Variants in TTN observed in about 807,000 individuals in gnomAD.
TTN encodes titin.
Under a neutral mutation model 3,223.0 loss-of-function variants are expected in TTN, and 1,525 were observed. That is an observed-to-expected ratio of 0.47 (90% CI 0.45 to 0.49). TTN has a LOEUF of 0.49. TTN is among the 20% of genes least tolerant of loss of function. The pLI is 0.00. For synonymous variants in TTN, 14,094 were observed against 15,161.0 expected, an observed-to-expected ratio of 0.93 and a Z score of 5.17; for missense variants, 40,786 against 43,424.0, an observed-to-expected ratio of 0.94 and a Z score of 5.40.
At position 178,636,488 on chromosome 2, in the gene TTN, CAAT is replaced by C. The variant is rs1482982075; in HGVS notation, c.41236_41238del (p.Ile13746del). ...TCACCAGCATCGGAAAGTTGAACATCAATGATGTGCAGCTTTCTGTCTTTACCA... is the reference window on the plus strand; with the variant it reads ...TCACCAGCATCGGAAAGTTGAACATCGATGTGCAGCTTTCTGTCTTTACCA... On this transcript the variant is annotated inframe_deletion, in exon 225 of 363. Coordinates refer to ENST00000589042, the MANE Select transcript of TTN (RefSeq NM_001267550.2). This position sits in a 1 kb window ranked among gnomAD's most constrained non-coding sequence, Gnocchi z 4.3. The C allele has an allele frequency of 6.2e-7, 1 of 1,613,396 alleles. No individual in the cohort carries two copies. The highest frequency in any genetic ancestry group is 1.1e-5 in the South Asian group (1 of 91,070).
intron 361 of TTN, 48 bp downstream of exon 361, chr2:178,528,226 A>G: frequency 1.9e-6 from 3 of 1,572,670 alleles, no homozygotes; most frequent in Non-Finnish European, 2.6e-6. Context: ...CAAAAAAACG[A>G]TCTAAAGGCC....
chr2:178,715,368 A>G (rs1368543026), intron 89 of TTN, 104 bp from the exon 90 acceptor site: 16 of 1,505,948 alleles, frequency 1.1e-5, no homozygotes, highest in African/African-American at 2.8e-5. Flanking sequence ...TGAAAAAAAC[A>G]CTTTCAATTC....
rs1024961148 is a variant in TTN, at chr2:178,573,264, C to G, written c.72868G>C (p.Gly24290Arg). 1.2e-6 allele frequency: 2 copies of G among 1,605,614 alleles called. No individual in the cohort carries two copies. The highest frequency in any genetic ancestry group is 1.7e-6 in the Non-Finnish European group (2 of 1,175,150). The change falls in exon 326 of 363, where the codon GGA becomes CGA. Residue 24290 changes from glycine to arginine, a missense_variant. Transcript: ENST00000589042. ...ATAATCCTGAACTCATATTCATGTC[C>G]TTCTGTCAGTCCAGACACTTTATAT... ...LRYKVSGLTE[G>R]HEYEFRIMAE...
At chr2:178,747,271 G>T (rs557087941) in intron 47 of TTN, 1 of 1,612,906 alleles carries the variant, frequency 6.2e-7, no homozygotes, top group Non-Finnish European at 8.5e-7. Flanking sequence ...CCTCACCTTC[G>T]GAAGGTGTTG....
chr2:178,735,801 A>G lies in TTN; in HGVS notation c.14645T>C (p.Leu4882Ser). Residue 4882 changes from leucine to serine, a missense_variant, in exon 50 of 363, where the codon TTG (leucine) becomes TCG (serine). Coordinates refer to ENST00000589042, the MANE Select transcript of TTN (RefSeq NM_001267550.2). ...GAAATGTGGCTTATCAATGATGATC[A>G]ACTCTGCTTGGCAGATGTCTGCTCC... The part of the protein sequence containing the change: ...KFGADICQAE[L>S]IIIDKPHFIK... 4 of 1,613,734 alleles carry G rather than the reference A, an allele frequency of 2.5e-6. No individual in the cohort carries two copies. The highest frequency in any genetic ancestry group is 3.4e-6 in the Non-Finnish European group (4 of 1,179,790).
At position 178,601,679 on chromosome 2, in the gene TTN, T is replaced by C; in HGVS notation, c.55411A>G (p.Asn18471Asp). The change falls in exon 286 of 363, where the codon AAT becomes GAT. Residue 18471 changes from asparagine (N) to aspartate (D), a missense_variant. Asn to Asp is a conservative substitution (Grantham distance 23, BLOSUM62 1). Transcript: ENST00000589042. ...AKNKAGQKTA[N>D]CRVKVMDVPG... ...TTACCCATGACTTTAACTCTGCAAT[T>C]TGCAGTCTTTTGTCCTGCTTTATTC... The C allele has an allele frequency of 6.2e-7, 1 of 1,602,278 alleles. No individual in the cohort carries two copies. The highest frequency in any genetic ancestry group is 8.5e-7 in the Non-Finnish European group (1 of 1,176,490).
intron 113 of TTN, among the ~76,000 whole-genome samples, chr2:178,696,644 T>C (rs2073780293): frequency 6.6e-6 from 1 of 152,106 alleles, no homozygotes; most frequent in Admixed American, 6.6e-5. Context: ...TTAACCTTTT[T>C]AAAAAGTTCT....
chr2:178,772,158 A>G (rs1487885232), intron 33 of TTN, among the ~76,000 whole-genome samples: 1 of 152,224 alleles, frequency 6.6e-6, no homozygotes, highest in African/African-American at 2.4e-5. Flanking sequence ...AGGAGTTCAT[A>G]GTTTATTCCT....
chr2:178,628,774 C>T (rs995031070), intron 240 of TTN: 1 of 153,878 alleles, frequency 6.5e-6, no homozygotes, highest in African/African-American at 2.4e-5. Context: ...TCGCACAGCC[C>T]AGAGCACTTG....
intron 47 of TTN, among the ~76,000 whole-genome samples, chr2:178,744,220 G>A (rs898574482): frequency 1.3e-5 from 2 of 151,904 alleles, no homozygotes; most frequent in South Asian, 2.1e-4. Context: ...GTAACAATAA[G>A]TAATTTAAGA....
chr2:178,663,993 G>A, intron 169 of TTN, 22 bp downstream of exon 169: 2 of 1,612,524 alleles, frequency 1.2e-6, no homozygotes, highest in Non-Finnish European at 1.7e-6. Context: ...GTCTTCTGAA[G>A]CCTAAAGTCA....
At position 178,756,564 on chromosome 2, in the gene TTN, G is replaced by C. The variant is rs878942112; in HGVS notation, c.10912C>G (p.Leu3638Val). Residue 3638 changes from leucine (L) to valine (V), a missense_variant, in exon 46 of 363, where the codon CTT becomes GTT. Transcript: ENST00000589042. ...TCAGTGCTTTCTGCAATTTGTGAAA[G>C]GGATGCAGTATGGCACAACTGTGTA... ...QDTQLCHTASLSQIAESTELS... is the reference protein window; with the variant it reads ...QDTQLCHTASVSQIAESTELS... 3 of 1,611,508 alleles carry C rather than the reference G, an allele frequency of 1.9e-6. No individual in the cohort carries two copies. The highest frequency in any genetic ancestry group is 2.5e-6 in the Non-Finnish European group (3 of 1,178,178).
At chr2:178,786,608 T>C (rs1016769660) in intron 13 of TTN, among the ~76,000 whole-genome samples, 1 of 152,100 alleles carries the variant, frequency 6.6e-6, no homozygotes, top group Non-Finnish European at 1.5e-5. Context: ...TCCAGAAAAA[T>C]CAGTGACTAC....
In TTN at chr2:178,558,214, T is replaced by C; in HGVS notation, c.87140A>G (p.Lys29047Arg). 8.1e-6 allele frequency: 13 copies of C among 1,607,162 alleles called. No homozygotes were observed. The highest frequency in any genetic ancestry group is 1.1e-5 in the Non-Finnish European group (13 of 1,178,460). The change falls in exon 328 of 363, where the codon AAG (lysine) becomes AGG (arginine). Residue 29047 changes from lysine to arginine, a missense_variant. Lys to Arg is a conservative substitution (Grantham distance 26). Coordinates refer to ENST00000589042, the MANE Select transcript of TTN (RefSeq NM_001267550.2). ...ATATACAGTGTGACTTGGGAAATTC[T>C]TCATATCAATTTCAGGTGGTTCTGA... is the stretch of plus-strand genomic sequence containing the variant. ...EQLEPPEIDM[K>R]NFPSHTVYVR...
chr2:178,646,104 TTATATATATATATATA>T (rs71023450), intron 216 of TTN, 74 bp from the exon 217 acceptor site: 1,102 of 37,986 alleles, frequency 0.029, 58 homozygotes, highest in Middle Eastern at 0.1. Flanking sequence ...TTAATAGAAA[TTATATATATATATATA>T]TATATATATA....
At position 178,599,760 on chromosome 2, in the gene TTN, G is replaced by A. The variant is rs2052778665; in HGVS notation, c.56141C>T (p.Pro18714Leu). 3.1e-6 allele frequency: 5 copies of A among 1,612,140 alleles called. No homozygotes were observed. The African/African-American group carries it at 4.0e-5, about 13-fold the overall frequency. ...AGGAGCTTTAAACCAGGTTAGTGTCGGGAATGGCACACCTTTAATTTTGGC... is the reference window on the plus strand; with the variant it reads ...AGGAGCTTTAAACCAGGTTAGTGTCAGGAATGGCACACCTTTAATTTTGGC... ...IVAKIKGVPF[P>L]TLTWFKAPPK... is the part of the protein sequence containing the mutation. The change falls in exon 289 of 363, where the codon CCG becomes CTG. Residue 18714 changes from proline to leucine, a missense_variant. Coordinates refer to ENST00000589042, the MANE Select transcript of TTN (RefSeq NM_001267550.2).
Position 178,592,219 on chromosome 2 carries a change from G to T in TTN, c.59685C>A (p.Tyr19895Ter). ...EVSEIRKDSC[Y>*]LTWKEPLDDG... is the part of the protein sequence containing the mutation. The stretch of plus-strand genomic sequence containing the variant: ...CATCCAGTGGTTCTTTCCAAGTAAG[G>T]TAACATGAATCTTTCCTAATTTCAC... The change falls in exon 302 of 363, where the codon TAC becomes TAA. Residue 19895 changes from tyrosine (Y) to a stop codon, truncating the protein, a stop_gained. Coordinates refer to ENST00000589042, the MANE Select transcript of TTN (RefSeq NM_001267550.2). LOFTEE classifies it high-confidence loss of function. The T allele has an allele frequency of 6.2e-7, 1 of 1,611,758 alleles. No individual in the cohort carries two copies. Among genetic ancestry groups the T allele is most frequent in the Non-Finnish European group, 8.5e-7 (1 of 1,178,938 alleles).
rs1449464546 is a variant in TTN at position 178,535,362 on chromosome 2, G to A, written c.101253C>T (p.Asn33751=). 1.9e-6 allele frequency: 3 copies of A among 1,613,878 alleles called. No individual in the cohort carries two copies. The highest frequency in any genetic ancestry group is 8.5e-7 in the Non-Finnish European group (1 of 1,179,844). The change falls in exon 358 of 363, where the codon AAC becomes AAT. Residue 33751 remains asparagine (N), a synonymous_variant. Transcript: ENST00000589042. ...QARETRYTVI[N]LFGKTSYQFR... ...ACTGGTAACTTGTTTTTCCAAATAA[G>A]TTGATCACGGTATAACGTGTTTCTC...
intron 21 of TTN, 21 bp from the exon 22 acceptor site, chr2:178,780,226 T>G (rs751148995): frequency 7.0e-6 from 11 of 1,575,098 alleles, no homozygotes; most frequent in Non-Finnish European, 8.7e-6. Flanking sequence ...AGAACATCAG[T>G]TAATTTTTAA....
Sources: gnomAD v4.1 joint callset for allele counts (sites outside exome capture counted in the v4.1 genomes callset) on GRCh38, gnomAD v4.1.1 for gene constraint, Gnocchi (gnomAD v3.1) non-coding constraint, MANE v1.5 for transcripts, NCBI Gene and HGNC (gene_info 2026-07-23, HGNC 2026-07-21) for gene names.